Variants in ECH1 observed in about 807,000 individuals in gnomAD.
ECH1 encodes enoyl-CoA hydratase 1.
In ECH1, 30 loss-of-function variants were observed where a neutral mutation model predicts 37.0. The ratio of observed to expected loss-of-function variants is 0.81; its 90% CI spans 0.61 to 1.10. ECH1 has a LOEUF of 1.10. Among genes scored for constraint, ECH1 ranks in the 50% least tolerant of loss-of-function variants. The pLI is 0.00. For missense variants in ECH1, 456 were observed against 441.6 expected (o/e 1.03, Z -0.29); for synonymous variants, 178 against 176.0 (o/e 1.01, Z -0.09).
At chr19:38,820,608 A>G (rs1351507193) in intron 3 of ECH1, 1 of 152,208 alleles carries the variant, frequency 6.6e-6, no homozygotes, top group East Asian at 1.9e-4. Flanking sequence ...GGGGCGTCAC[A>G]CACCATGAGT....
intron 3 of ECH1, among the ~76,000 whole-genome samples, chr19:38,818,932 T>TGTGCGCGCGCGCGC (rs144733422): frequency 7.0e-6 from 1 of 142,752 alleles, no homozygotes; most frequent in Non-Finnish European, 1.5e-5. Context: ...TGTGTGTGTG[T>TGTGCGCGCGCGCGC]GCACTGTTCC....
At position 38,816,441 on chromosome 19, in the gene ECH1, C is replaced by T. The variant is rs1011453839; in HGVS notation, c.659+12G>A. On this transcript the variant is annotated intron_variant, in intron 7 of 9. Transcript: ENST00000221418. ...GGTCTCCTGCCCACACCCCCACACC[C>T]CCTGCACCCACCTCTGGTTCCCGAT... 6.2e-7 allele frequency: 1 copy of T among 1,614,026 alleles called. No homozygotes were observed. The highest frequency in any genetic ancestry group is 8.5e-7 in the Non-Finnish European group (1 of 1,180,016).
intron 6 of ECH1, 82 bp downstream of exon 6, chr19:38,816,983 T>C (rs958651707): frequency 2.7e-6 from 4 of 1,460,016 alleles, no homozygotes; most frequent in Admixed American, 2.0e-5. Flanking sequence ...GACTCTTCCA[T>C]GAAGCCCTCG....
At position 38,831,503 on chromosome 19, in the gene ECH1, G is replaced by A. The variant is rs770568049; in HGVS notation, c.66C>T (p.Ser22=). 5.6e-6 allele frequency: 9 copies of A among 1,613,744 alleles called. No homozygotes were observed. The Admixed American group carries it at 1.3e-4, about 24-fold the overall frequency. The change falls in exon 2 of 10, where the codon TCC becomes TCT. Residue 22 remains serine (S), a synonymous_variant. Transcript: ENST00000221418. ...GGCTAATACTGAGTCCCGGGTAGTT[G>A]GAGCCTGTCAGTCCTGGGGAGAAAG... ...RDLLTRRLTG[S]NYPGLSISLR...
chr19:38,817,102 A>T lies in ECH1; in HGVS notation c.551T>A (p.Ile184Asn). 1 of 1,577,828 alleles carries T rather than the reference A, an allele frequency of 6.3e-7. No homozygotes were observed. The highest frequency in any genetic ancestry group is 8.6e-7 in the Non-Finnish European group (1 of 1,162,062). ...GAAAGCATCCTGGGCACAGTACCGG[A>T]TGTCACAGGCGGTGACAAGGTCCAC... ...GGVDLVTACDIRYCAQDAFFQ... is the reference protein window; with the variant it reads ...GGVDLVTACDNRYCAQDAFFQ... Residue 184 changes from isoleucine to asparagine, a missense_variant, in exon 6 of 10, where the codon ATC becomes AAC. Ile to Asn is a moderately radical substitution (Grantham distance 149, BLOSUM62 -3). Coordinates refer to ENST00000221418, the MANE Select transcript of ECH1 (RefSeq NM_001398.3).
At chr19:38,819,322 T>C in intron 3 of ECH1, 1 of 687,600 alleles carries the variant, frequency 1.5e-6, no homozygotes, top group Non-Finnish European at 1.8e-6. Context: ...GACTGACTCC[T>C]TCACTTCCTT....
At chr19:38,830,971 A>T in intron 3 of ECH1, 107 bp downstream of exon 3, 1 of 971,522 alleles carries the variant, frequency 1.0e-6, no homozygotes, top group Non-Finnish European at 1.5e-6. Flanking sequence ...AAAAAAAAAA[A>T]GTGTGTAAGT....
In ECH1 at chr19:38,815,520, G is replaced by T; in HGVS notation, c.*93C>A. ...ATAAACTGGGAAACTGGGTCAGAAG[G>T]CATAGAAACAACTGTCATCGCCCAT... On this transcript the variant is annotated 3_prime_UTR_variant, in exon 10 of 10. Coordinates refer to ENST00000221418, the MANE Select transcript of ECH1 (RefSeq NM_001398.3). The T allele has an allele frequency of 1.7e-6, 2 of 1,201,610 alleles. No individual in the cohort carries two copies. Among genetic ancestry groups the T allele is most frequent in the Non-Finnish European group, 1.2e-6 (1 of 819,296 alleles). 74.4% of individuals were successfully genotyped at this position (1,201,610 alleles called of 1,614,324 possible).
In ECH1 at chr19:38,819,006, T is replaced by C. The variant is rs553031499; in HGVS notation, c.350-1431A>G. 3.7e-3 allele frequency: 1,306 copies of C among 351,472 alleles called. 22 individuals are homozygous for C. Among genetic ancestry groups the C allele is most frequent in the African/African-American group, 0.019 (671 of 36,186 alleles). 21.8% of individuals were successfully genotyped at this position (351,472 alleles called of 1,614,324 possible). A position where few individuals can be genotyped will look rare whatever the true frequency, so the allele number is the denominator to read the frequency against. On this transcript the variant is annotated intron_variant, in intron 3 of 9. Coordinates refer to ENST00000221418, the MANE Select transcript of ECH1 (RefSeq NM_001398.3). ...GTGTGTGTGTGTGTGTGTGTGTGTGTGTGCGGGCACGTGCATTTGAGCCCA... is the reference window on the plus strand; with the variant it reads ...GTGTGTGTGTGTGTGTGTGTGTGTGCGTGCGGGCACGTGCATTTGAGCCCA...
At chr19:38,821,089 G>A (rs1971654954) in intron 3 of ECH1, among the ~76,000 whole-genome samples, 1 of 152,148 alleles carries the variant, frequency 6.6e-6, no homozygotes, top group African/African-American at 2.4e-5. Context: ...GACCAGCCTG[G>A]GCAACATAGC....
chr19:38,831,509 T>C lies in ECH1; in HGVS notation c.60A>G (p.Thr20=). The C allele has an allele frequency of 6.2e-7, 1 of 1,613,510 alleles. No individual in the cohort carries two copies. The highest frequency in any genetic ancestry group is 1.7e-5 in the Admixed American group (1 of 59,912). ...TACTGAGTCCCGGGTAGTTGGAGCC[T>C]GTCAGTCCTGGGGAGAAAGGAACAG... The part of the protein sequence containing the change: ...RLRDLLTRRL[T]GSNYPGLSIS... The change falls in exon 2 of 10, where the codon ACA becomes ACG. Residue 20 remains threonine, a synonymous_variant. Transcript: ENST00000221418.
At chr19:38,819,735 TAA>T (rs143106646) in intron 3 of ECH1, among the ~76,000 whole-genome samples, 2 of 152,076 alleles carry the variant, frequency 1.3e-5, no homozygotes, top group Non-Finnish European at 2.9e-5. Context: ...GGCTTGAGGC[TAA>T]GATTTTGAGA....
At chr19:38,829,865 T>C (rs980772538) in intron 3 of ECH1, among the ~76,000 whole-genome samples, 5 of 149,578 alleles carry the variant, frequency 3.3e-5, no homozygotes, top group South Asian at 2.1e-4. Context: ...TTAAAATCAG[T>C]GGGTAGTAGC....
chr19:38,826,358 C>T (rs1345920336), intron 3 of ECH1, among the ~76,000 whole-genome samples: 1 of 152,244 alleles, frequency 6.6e-6, no homozygotes, highest in East Asian at 1.9e-4. Flanking sequence ...GATCCCACTG[C>T]TTTTCCTTAT....
In ECH1 at chr19:38,821,592, G is replaced by A. The variant is rs541395281; in HGVS notation, c.350-4017C>T. ...AGCTCGGCGACCCCGCACTCGGAGT[G>A]GTGGGCCGGCGCCACCTGCCCTGAG... On this transcript the variant is annotated intron_variant, in intron 3 of 9. Coordinates refer to ENST00000221418, the MANE Select transcript of ECH1 (RefSeq NM_001398.3). Among the ~76,000 whole-genome samples the A allele has an allele frequency of 2.2e-3, 341 of 152,312 alleles. 2 individuals are homozygous for A. Among genetic ancestry groups the A allele is most frequent in the African/African-American group, 7.6e-3 (316 of 41,570 alleles).
intron 3 of ECH1, 139 bp from the exon 4 acceptor site, chr19:38,817,714 G>GT: frequency 7.0e-7 from 1 of 1,422,786 alleles, no homozygotes; most frequent in Non-Finnish European, 9.2e-7. Context: ...ACAGGACTTG[G>GT]TGAGGGATTG....
At chr19:38,816,379 G>C (rs757361756) in intron 7 of ECH1, 24 bp from the exon 8 acceptor site, 4 of 1,613,832 alleles carry the variant, frequency 2.5e-6, no homozygotes, top group Non-Finnish European at 3.4e-6. Flanking sequence ...CGTGCATCAG[G>C]AGGCGGCTGC....
In ECH1 at chr19:38,821,663, C is replaced by T. The variant is rs12052164; in HGVS notation, c.350-4088G>A. The stretch of plus-strand genomic sequence containing the variant: ...GGGCCAGCAGCTGCGGAGGGTACAC[C>T]GGGTCCCCCAGCAGTGCCGGCCCGC... On this transcript the variant is annotated intron_variant, in intron 3 of 9. Transcript: ENST00000221418. Among the ~76,000 whole-genome samples, 1,303 of 152,330 alleles carry T rather than the reference C, an allele frequency of 8.6e-3. 40 individuals are homozygous for T. In the East Asian group the frequency reaches 0.096, roughly 11 times the overall value.
chr19:38,817,195 G>A, intron 5 of ECH1, 66 bp from the exon 6 acceptor site: 1 of 1,550,844 alleles, frequency 6.4e-7, no homozygotes. Context: ...GGGAGGTGGG[G>A]CTGCCTCTTG....
Sources: gnomAD v4.1 joint callset for allele counts (sites outside exome capture counted in the v4.1 genomes callset) on GRCh38, gnomAD v4.1.1 for gene constraint, MANE v1.5 for transcripts, NCBI Gene and HGNC (gene_info 2026-07-23, HGNC 2026-07-21) for gene names.